Variants in PNMA8C observed in about 807,000 individuals in gnomAD.
PNMA8C encodes paraneoplastic antigen-like protein 8C.
In PNMA8C at chr19:46,427,650, C is replaced by T. The variant is rs1969429802; in HGVS notation, c.*95G>A. 1 of 397,712 alleles carries T rather than the reference C, an allele frequency of 2.5e-6. No homozygotes were observed. Among genetic ancestry groups the T allele is most frequent in the Middle Eastern group, 6.3e-4 (1 of 1,588 alleles). The allele number at this position is 397,712 out of a possible 1,614,324, so 24.6% of individuals were successfully genotyped here. A position where few individuals can be genotyped will look rare whatever the true frequency, so the allele number is the denominator to read the frequency against. ...CTCCCTTGCATTACCCACACTCACTCGCACTCCTTAAACGTAGTGAGGTGG... is the reference window on the plus strand; with the variant it reads ...CTCCCTTGCATTACCCACACTCACTTGCACTCCTTAAACGTAGTGAGGTGG... On this transcript the variant is annotated 3_prime_UTR_variant, in exon 1 of 1. Transcript: ENST00000617053.
In PNMA8C at chr19:46,427,237, A is replaced by C. The variant is rs1375660858; in HGVS notation, c.*508T>G. The C allele has an allele frequency of 6.6e-6, 1 of 152,418 alleles. No individual in the cohort carries two copies. Among genetic ancestry groups the C allele is most frequent in the African/African-American group, 2.4e-5 (1 of 41,454 alleles). The allele number at this position is 152,418 out of a possible 1,614,324, so 9.4% of individuals were successfully genotyped here. ...GGTTGCATGGATACATGGATGAATG[A>C]GCAATCCACACTCAACCAGATTTTA... On this transcript the variant is annotated 3_prime_UTR_variant, in exon 1 of 1. Coordinates refer to ENST00000617053, the MANE Select transcript of PNMA8C (RefSeq NM_001386793.1).
rs1479883301 is a variant in PNMA8C, at chr19:46,425,564, G to C, written c.*2181C>G. On this transcript the variant is annotated 3_prime_UTR_variant, in exon 1 of 1. Coordinates refer to ENST00000617053, the MANE Select transcript of PNMA8C (RefSeq NM_001386793.1). The stretch of plus-strand genomic sequence containing the variant: ...GATCGTGCCACTGCACTCCAGCCTG[G>C]GCTACAGAAGGAGACTCCACCTCAA... The C allele has an allele frequency of 1.4e-5, 2 of 141,634 alleles. No homozygotes were observed. The highest frequency in any genetic ancestry group is 3.0e-5 in the Non-Finnish European group (2 of 66,226). 8.8% of individuals were successfully genotyped at this position (141,634 alleles called of 1,614,324 possible). A position where few individuals can be genotyped will look rare whatever the true frequency, so the allele number is the denominator to read the frequency against.
chr19:46,428,022 A>T lies in PNMA8C; in HGVS notation c.338T>A (p.Leu113His), dbSNP rs2147442452. Residue 113 changes from leucine (L) to histidine (H), a missense_variant, in exon 1 of 1, where the codon CTC (leucine) becomes CAC (histidine). By Grantham distance (99) the Leu-to-His change is moderately conservative. Transcript: ENST00000617053. Reference sequence around the variant, plus strand: ...CGTCCTGCCCTCGCTCTGCAGAAAGAGGTTCAGCTTGGTCAGGAATTCAAT... The same window carrying T: ...CGTCCTGCCCTCGCTCTGCAGAAAGTGGTTCAGCTTGGTCAGGAATTCAAT... The part of the protein sequence containing the change: ...QDIEFLTKLN[L>H]FLQSEGRTVE... 1 of 398,596 alleles carries T rather than the reference A, an allele frequency of 2.5e-6. No homozygotes were observed. Among genetic ancestry groups the T allele is most frequent in the South Asian group, 1.3e-4 (1 of 7,854 alleles). 24.7% of individuals were successfully genotyped at this position (398,596 alleles called of 1,614,324 possible).
Position 46,428,089 on chromosome 19 carries a change from C to T in PNMA8C, c.271G>A (p.Gly91Ser). ...ATGTAGACCACTCTCCACACACCGCCCTTGCCCTTGATCTCCCTGGGGACC... is the reference window on the plus strand; with the variant it reads ...ATGTAGACCACTCTCCACACACCGCTCTTGCCCTTGATCTCCCTGGGGACC... ...AVVPREIKGK[G>S]GVWRVVYMPR... The change falls in exon 1 of 1, where the codon GGC (glycine) becomes AGC (serine). Residue 91 changes from glycine (G) to serine (S), a missense_variant. Physicochemically the swap from Gly to Ser is moderately conservative, Grantham distance 56 (BLOSUM62 0). Coordinates refer to ENST00000617053, the MANE Select transcript of PNMA8C (RefSeq NM_001386793.1). The T allele has an allele frequency of 7.5e-6, 3 of 398,740 alleles. 1 individual carries two copies. The South Asian group carries it at 3.8e-4, about 51-fold the overall frequency. The allele number at this position is 398,740 out of a possible 1,614,324, so 24.7% of individuals were successfully genotyped here. A position where few individuals can be genotyped will look rare whatever the true frequency, so the allele number is the denominator to read the frequency against.
In PNMA8C at chr19:46,428,405, T is replaced by C. The variant is rs2147442641; in HGVS notation, c.-46A>G. 5.0e-6 allele frequency: 2 copies of C among 398,658 alleles called. No individual in the cohort carries two copies. Among genetic ancestry groups the C allele is most frequent in the East Asian group, 3.6e-5 (1 of 28,070 alleles). 24.7% of individuals were successfully genotyped at this position (398,658 alleles called of 1,614,324 possible). On this transcript the variant is annotated 5_prime_UTR_variant, in exon 1 of 1. Coordinates refer to ENST00000617053, the MANE Select transcript of PNMA8C (RefSeq NM_001386793.1). ...AGCAGTATGCCCGCTGGTGGACACC[T>C]GAGCTGCCTCGGGAATCCACGAAAT...
Position 46,425,139 on chromosome 19 carries a change from T to C in PNMA8C, c.*2606A>G, listed in dbSNP as rs1969410219. On this transcript the variant is annotated 3_prime_UTR_variant, in exon 1 of 1. Transcript: ENST00000617053. ...ATAAGAAATGTCACACTATCCCTTA[T>C]TATACAACGATTATGCCTTGATGGG... 1 of 152,210 alleles carries C rather than the reference T, an allele frequency of 6.6e-6. No individual in the cohort carries two copies. Among genetic ancestry groups the C allele is most frequent in the African/African-American group, 2.4e-5 (1 of 41,458 alleles). 9.4% of individuals were successfully genotyped at this position (152,210 alleles called of 1,614,324 possible). A position where few individuals can be genotyped will look rare whatever the true frequency, so the allele number is the denominator to read the frequency against.
rs1016674227 is a variant in PNMA8C at position 46,425,133 on chromosome 19, C to A, written c.*2612G>T. 1 of 152,212 alleles carries A rather than the reference C, an allele frequency of 6.6e-6. No homozygotes were observed. The highest frequency in any genetic ancestry group is 1.5e-5 in the Non-Finnish European group (1 of 68,038). 9.4% of individuals were successfully genotyped at this position (152,212 alleles called of 1,614,324 possible). ...AATATGATAAGAAATGTCACACTAT[C>A]CCTTATTATACAACGATTATGCCTT... On this transcript the variant is annotated 3_prime_UTR_variant, in exon 1 of 1. Transcript: ENST00000617053.
In PNMA8C at chr19:46,428,310, G is replaced by T. The variant is rs1568595166; in HGVS notation, c.50C>A (p.Ala17Asp). 2.5e-6 allele frequency: 1 copy of T among 398,650 alleles called. No individual in the cohort carries two copies. Among genetic ancestry groups the T allele is most frequent in the Non-Finnish European group, 4.4e-6 (1 of 226,100 alleles). The allele number at this position is 398,650 out of a possible 1,614,324, so 24.7% of individuals were successfully genotyped here. A position where few individuals can be genotyped will look rare whatever the true frequency, so the allele number is the denominator to read the frequency against. Residue 17 changes from alanine to aspartate, a missense_variant, in exon 1 of 1, where the codon GCC becomes GAC. Physicochemically the swap from Ala to Asp is moderately radical, Grantham distance 126. Transcript: ENST00000617053. ...GGACTTGTAACTGTCCACCTCCAGGGCCTTGCACCCGTGCTCCAACAGTGC... is the reference window on the plus strand; with the variant it reads ...GGACTTGTAACTGTCCACCTCCAGGTCCTTGCACCCGTGCTCCAACAGTGC... ...DIALLEHGCK[A>D]LEVDSYKSLM...
chr19:46,428,568 G>A lies in PNMA8C; in HGVS notation c.-209C>T. 2.5e-6 allele frequency: 1 copy of A among 393,678 alleles called. No individual in the cohort carries two copies. The allele number at this position is 393,678 out of a possible 1,614,324, so 24.4% of individuals were successfully genotyped here. On this transcript the variant is annotated 5_prime_UTR_variant, in exon 1 of 1. Coordinates refer to ENST00000617053, the MANE Select transcript of PNMA8C (RefSeq NM_001386793.1). ...CTGCCTGCAGGGCTGTGCAACGTCG[G>A]GGCTTCTGTGGCTCCCTCTGAGTGG...
At position 46,425,438 on chromosome 19, in the gene PNMA8C, A is replaced by G. The variant is rs1051254766; in HGVS notation, c.*2307T>C. On this transcript the variant is annotated 3_prime_UTR_variant, in exon 1 of 1. Transcript: ENST00000617053. ...CCCTGTCTCTACTAAAAATACAAAA[A>G]TTAGCTGGGCGTGGTGGTGCGCACC... is the stretch of plus-strand genomic sequence containing the variant. 1 of 151,678 alleles carries G rather than the reference A, an allele frequency of 6.6e-6. No homozygotes were observed. The highest frequency in any genetic ancestry group is 2.4e-5 in the African/African-American group (1 of 41,252). 9.4% of individuals were successfully genotyped at this position (151,678 alleles called of 1,614,324 possible).
Position 46,428,307 on chromosome 19 carries a change from A to G in PNMA8C, c.53T>C (p.Leu18Pro). 1 of 398,680 alleles carries G rather than the reference A, an allele frequency of 2.5e-6. No individual in the cohort carries two copies. The highest frequency in any genetic ancestry group is 4.4e-6 in the Non-Finnish European group (1 of 226,102). 24.7% of individuals were successfully genotyped at this position (398,680 alleles called of 1,614,324 possible). A position where few individuals can be genotyped will look rare whatever the true frequency, so the allele number is the denominator to read the frequency against. The change falls in exon 1 of 1, where the codon CTG becomes CCG. Residue 18 changes from leucine to proline, a missense_variant. Physicochemically the swap from Leu to Pro is moderately conservative, Grantham distance 98. Transcript: ENST00000617053. Reference sequence around the variant, plus strand: ...CAGGGACTTGTAACTGTCCACCTCCAGGGCCTTGCACCCGTGCTCCAACAG... The same window carrying G: ...CAGGGACTTGTAACTGTCCACCTCCGGGGCCTTGCACCCGTGCTCCAACAG... Reference protein sequence around the residue: ...IALLEHGCKALEVDSYKSLMI... With the variant: ...IALLEHGCKAPEVDSYKSLMI...
Position 46,427,842 on chromosome 19 carries a change from G to A in PNMA8C, c.518C>T (p.Ser173Phe), listed in dbSNP as rs1045296912. The A allele has an allele frequency of 5.0e-6, 2 of 398,424 alleles. No individual in the cohort carries two copies. The highest frequency in any genetic ancestry group is 1.3e-4 in the South Asian group (1 of 7,846). 24.7% of individuals were successfully genotyped at this position (398,424 alleles called of 1,614,324 possible). Residue 173 changes from serine (S) to phenylalanine (F), a missense_variant, in exon 1 of 1, where the codon TCC (serine) becomes TTC (phenylalanine). Physicochemically the swap from Ser to Phe is radical, Grantham distance 155 (BLOSUM62 -2). Coordinates refer to ENST00000617053, the MANE Select transcript of PNMA8C (RefSeq NM_001386793.1). Reference protein sequence around the residue: ...VQMDVVPPLDSSEKESKAGVG... With the variant: ...VQMDVVPPLDFSEKESKAGVG... The stretch of plus-strand genomic sequence containing the variant: ...TCCAGCCTTGCTCTCCTTCTCGGAG[G>A]AGTCCAGAGGTGGCACCACGTCCAT...
rs1267274516 is a variant in PNMA8C, at chr19:46,425,049, A to G, written c.*2696T>C. On this transcript the variant is annotated 3_prime_UTR_variant, in exon 1 of 1. Transcript: ENST00000617053. The stretch of plus-strand genomic sequence containing the variant: ...ACAACCACGCATGTTGTGTATCACA[A>G]ATATAAATGTTATACCCCTGAAATC... The G allele has an allele frequency of 1.3e-5, 2 of 152,226 alleles. No individual in the cohort carries two copies. Among genetic ancestry groups the G allele is most frequent in the Non-Finnish European group, 2.9e-5 (2 of 68,040 alleles). The allele number at this position is 152,226 out of a possible 1,614,324, so 9.4% of individuals were successfully genotyped here. A position where few individuals can be genotyped will look rare whatever the true frequency, so the allele number is the denominator to read the frequency against.
At position 46,428,647 on chromosome 19, in the gene PNMA8C, G is replaced by A. The variant is rs116946302; in HGVS notation, c.-288C>T. 1.0e-3 allele frequency: 335 copies of A among 328,834 alleles called. 1 individual carries two copies. Among genetic ancestry groups the A allele is most frequent in the Non-Finnish European group, 1.4e-3 (247 of 181,848 alleles). 20.4% of individuals were successfully genotyped at this position (328,834 alleles called of 1,614,324 possible). ...GCTGGAGAAGCAGAAGGCGGTGTTT[G>A]CCACCTGACTCGTGGCTCCCGGGTC... On this transcript the variant is annotated 5_prime_UTR_variant, in exon 1 of 1. Coordinates refer to ENST00000617053, the MANE Select transcript of PNMA8C (RefSeq NM_001386793.1).
In PNMA8C at chr19:46,428,618, G is replaced by C. The variant is rs1969437692; in HGVS notation, c.-259C>G. 2.7e-6 allele frequency: 1 copy of C among 368,376 alleles called. No individual in the cohort carries two copies. The highest frequency in any genetic ancestry group is 2.1e-5 in the African/African-American group (1 of 48,074). The allele number at this position is 368,376 out of a possible 1,614,324, so 22.8% of individuals were successfully genotyped here. On this transcript the variant is annotated 5_prime_UTR_variant, in exon 1 of 1. Coordinates refer to ENST00000617053, the MANE Select transcript of PNMA8C (RefSeq NM_001386793.1). ...GGCTCGAAGATTCCCAGGGACTTAC[G>C]CGTGCTGGAGAAGCAGAAGGCGGTG...
rs1211187487 is a variant in PNMA8C at position 46,426,209 on chromosome 19, A to C, written c.*1536T>G. 6.6e-6 allele frequency: 1 copy of C among 152,072 alleles called. No individual in the cohort carries two copies. Among genetic ancestry groups the C allele is most frequent in the Non-Finnish European group, 1.5e-5 (1 of 68,030 alleles). 9.4% of individuals were successfully genotyped at this position (152,072 alleles called of 1,614,324 possible). ...GCCTTGCCTCTTCTTTAGAGAGTGGAGTTCACTCCTCCTCACCAAGCCAGA... is the reference window on the plus strand; with the variant it reads ...GCCTTGCCTCTTCTTTAGAGAGTGGCGTTCACTCCTCCTCACCAAGCCAGA... On this transcript the variant is annotated 3_prime_UTR_variant, in exon 1 of 1. Transcript: ENST00000617053.
Position 46,425,245 on chromosome 19 carries a change from G to C in PNMA8C, c.*2500C>G, listed in dbSNP as rs1969410971. ...ACTCTGGGATGCAATAACGAACACAGTAGTACAATATTCTGCGAGTGGGTA... is the reference window on the plus strand; with the variant it reads ...ACTCTGGGATGCAATAACGAACACACTAGTACAATATTCTGCGAGTGGGTA... On this transcript the variant is annotated 3_prime_UTR_variant, in exon 1 of 1. Transcript: ENST00000617053. 2.0e-5 allele frequency: 3 copies of C among 152,202 alleles called. No individual in the cohort carries two copies. The highest frequency in any genetic ancestry group is 4.4e-5 in the Non-Finnish European group (3 of 68,052). 9.4% of individuals were successfully genotyped at this position (152,202 alleles called of 1,614,324 possible).
At position 46,428,569 on chromosome 19, in the gene PNMA8C, G is replaced by T. The variant is rs919424753; in HGVS notation, c.-210C>A. 2.5e-6 allele frequency: 1 copy of T among 393,460 alleles called. No individual in the cohort carries two copies. 24.4% of individuals were successfully genotyped at this position (393,460 alleles called of 1,614,324 possible). A position where few individuals can be genotyped will look rare whatever the true frequency, so the allele number is the denominator to read the frequency against. On this transcript the variant is annotated 5_prime_UTR_variant, in exon 1 of 1. Coordinates refer to ENST00000617053, the MANE Select transcript of PNMA8C (RefSeq NM_001386793.1). ...TGCCTGCAGGGCTGTGCAACGTCGGGGCTTCTGTGGCTCCCTCTGAGTGGG... is the reference window on the plus strand; with the variant it reads ...TGCCTGCAGGGCTGTGCAACGTCGGTGCTTCTGTGGCTCCCTCTGAGTGGG...
In PNMA8C at chr19:46,424,916, A is replaced by G. The variant is rs1206394441; in HGVS notation, c.*2829T>C. ...TTTTCACTCAGCTAAGTAGCTTCAA[A>G]TGGTGACAGTTTTGCATGACAACTT... On this transcript the variant is annotated 3_prime_UTR_variant, in exon 1 of 1. Coordinates refer to ENST00000617053, the MANE Select transcript of PNMA8C (RefSeq NM_001386793.1). 6.6e-6 allele frequency: 1 copy of G among 151,988 alleles called. No individual in the cohort carries two copies. Among genetic ancestry groups the G allele is most frequent in the Non-Finnish European group, 1.5e-5 (1 of 68,036 alleles). 9.4% of individuals were successfully genotyped at this position (151,988 alleles called of 1,614,324 possible). A position where few individuals can be genotyped will look rare whatever the true frequency, so the allele number is the denominator to read the frequency against.
Sources: allele counts gnomAD v4.1 joint callset, GRCh38; gene constraint gnomAD v4.1.1; transcripts MANE v1.5; gene names NCBI Gene and HGNC (gene_info 2026-07-23, HGNC 2026-07-21).